The following DYNC1I1 variants were observed in gnomAD, a reference collection of about 807,000 sequenced individuals.
The protein encoded by DYNC1I1 is dynein cytoplasmic 1 intermediate chain 1.
DYNC1I1 carries 43 observed loss-of-function variants against 86.6 expected under a neutral mutation model. That is an observed-to-expected ratio of 0.50 (90% CI 0.39 to 0.64). The LOEUF is 0.64. Ranked by LOEUF, DYNC1I1 falls within the 30% of genes least tolerant of loss-of-function variation. The pLI is 0.00. For missense variants in DYNC1I1, 604 were observed against 788.8 expected (o/e 0.77, Z 2.81); for synonymous variants, 262 against 283.7 (o/e 0.92, Z 0.77).
intron 1 of DYNC1I1, among the ~76,000 whole-genome samples, chr7:95,797,603 C>A (rs1304943461): frequency 6.6e-6 from 1 of 152,152 alleles, no homozygotes. Context: ...ATCGATTCAA[C>A]GTTTAGGATA....
At chr7:96,059,528 A>G (rs1789699975) in intron 14 of DYNC1I1, among the ~76,000 whole-genome samples, 1 of 152,152 alleles carries the variant, frequency 6.6e-6, no homozygotes, top group Non-Finnish European at 1.5e-5. Context: ...TTCAGAAAGT[A>G]AGAGAATTTG....
In DYNC1I1 at chr7:95,794,674, G is replaced by A. The variant is rs148574267; in HGVS notation, c.-9-10047G>A. The stretch of plus-strand genomic sequence containing the variant: ...CTCGAGAGCCTCTCCTGTTTAATGT[G>A]CTGCAATTGCCAATGCTCAAGTTAC... On this transcript the variant is annotated intron_variant, in intron 1 of 16. Coordinates refer to ENST00000447467, the MANE Select transcript of DYNC1I1 (RefSeq NM_001135556.2). Among the ~76,000 whole-genome samples the A allele has an allele frequency of 5.1e-3, 781 of 152,234 alleles. 7 individuals carry two copies. Among genetic ancestry groups the A allele is most frequent in the African/African-American group, 0.018 (743 of 41,538 alleles).
intron 6 of DYNC1I1, among the ~76,000 whole-genome samples, chr7:95,920,121 G>C (rs1426008873): frequency 6.6e-6 from 1 of 152,106 alleles, no homozygotes; most frequent in Non-Finnish European, 1.5e-5. Context: ...TCCTATAGTC[G>C]AGGAACTGGA....
chr7:96,075,388 A>G (rs767597300), intron 14 of DYNC1I1, among the ~76,000 whole-genome samples: 4 of 152,150 alleles, frequency 2.6e-5, no homozygotes, highest in Non-Finnish European at 5.9e-5. Context: ...GTTCAGGGGC[A>G]CTTCAATGAG....
Position 95,995,828 on chromosome 7 carries a change from CA to C in DYNC1I1, c.844-119del, listed in dbSNP as rs1354868098. 2.2e-6 allele frequency: 3 copies of C among 1,382,742 alleles called. No homozygotes were observed. The Admixed American group carries it at 7.6e-5, about 35-fold the overall frequency. The allele number at this position is 1,382,742 out of a possible 1,614,324, so 85.7% of individuals were successfully genotyped here. On this transcript the variant is annotated intron_variant, in intron 9 of 16. Coordinates refer to ENST00000447467, the MANE Select transcript of DYNC1I1 (RefSeq NM_001135556.2). The stretch of plus-strand genomic sequence containing the variant: ...AGCAGTAAGCTGATAGTAGGTATGC[CA>C]CAACATAACAGAAAGCACCATTTAC...
chr7:95,895,863 T>C (rs758678487), intron 6 of DYNC1I1, among the ~76,000 whole-genome samples: 4 of 152,178 alleles, frequency 2.6e-5, no homozygotes, highest in Non-Finnish European at 4.4e-5. Flanking sequence ...TAGTATCCTG[T>C]CTTATGCCAC....
At chr7:95,915,010 C>T (rs1001129542) in intron 6 of DYNC1I1, among the ~76,000 whole-genome samples, 4 of 152,006 alleles carry the variant, frequency 2.6e-5, no homozygotes, top group Non-Finnish European at 4.4e-5. Flanking sequence ...TACTCTGTGC[C>T]CCTCGAGATC....
At chr7:95,876,221 A>T (rs889431208) in intron 6 of DYNC1I1, among the ~76,000 whole-genome samples, 5 of 152,150 alleles carry the variant, frequency 3.3e-5, no homozygotes, top group Non-Finnish European at 7.3e-5. Context: ...GAAAATCCAG[A>T]TATATCTGAA....
intron 16 of DYNC1I1, among the ~76,000 whole-genome samples, chr7:96,104,579 A>T (rs1381408976): frequency 6.6e-6 from 1 of 152,116 alleles, no homozygotes; most frequent in Non-Finnish European, 1.5e-5. Context: ...TATTTTTTAA[A>T]CATATGGATA....
At chr7:96,088,661 C>T (rs1227263128) in intron 16 of DYNC1I1, among the ~76,000 whole-genome samples, 1 of 152,128 alleles carries the variant, frequency 6.6e-6, no homozygotes, top group Admixed American at 6.5e-5. Flanking sequence ...TAACCCGGGC[C>T]TGTACAGAAT....
intron 7 of DYNC1I1, among the ~76,000 whole-genome samples, chr7:95,984,394 A>C (rs564645683): frequency 1.3e-5 from 2 of 152,326 alleles, no homozygotes; most frequent in Non-Finnish European, 2.9e-5. Flanking sequence ...CATATTATAG[A>C]GTGTTCCTAA....
At chr7:96,086,053 A>C (rs536881078) in intron 16 of DYNC1I1, among the ~76,000 whole-genome samples, 1 of 152,324 alleles carries the variant, frequency 6.6e-6, no homozygotes, top group East Asian at 1.9e-4. Flanking sequence ...CTTCAACAGC[A>C]CATAGGCCAG....
chr7:95,973,546 G>C (rs527545664), intron 6 of DYNC1I1, among the ~76,000 whole-genome samples: 1 of 151,792 alleles, frequency 6.6e-6, no homozygotes, highest in East Asian at 1.9e-4. Context: ...TTTTTAGACC[G>C]ATCAAAAACA....
chr7:95,973,290 A>G (rs1793220633), intron 6 of DYNC1I1, among the ~76,000 whole-genome samples: 1 of 152,228 alleles, frequency 6.6e-6, no homozygotes, highest in South Asian at 2.1e-4. Flanking sequence ...ACATATCAGT[A>G]TGCAGAGAAA....
chr7:95,783,530 A>G (rs1794050921), intron 1 of DYNC1I1, among the ~76,000 whole-genome samples: 2 of 152,244 alleles, frequency 1.3e-5, no homozygotes, highest in Non-Finnish European at 2.9e-5. Context: ...TGATTATCAC[A>G]TATGTTAAAA....
intron 3 of DYNC1I1, among the ~76,000 whole-genome samples, chr7:95,812,305 T>C (rs998490860): frequency 4.6e-5 from 7 of 152,184 alleles, no homozygotes; most frequent in Non-Finnish European, 1.0e-4. Context: ...ATATGTGATA[T>C]TGAGAACCCG....
chr7:96,070,372 C>T lies in DYNC1I1; in HGVS notation c.1510-5685C>T, dbSNP rs139228552. ...GGGTCCTTTGGTGGTTTTTTAAAAG[C>T]GATATTGTGGTCTCACATTTTAATG... is the stretch of plus-strand genomic sequence containing the variant. On this transcript the variant is annotated intron_variant, in intron 14 of 16. Transcript: ENST00000447467. 4.4e-3 allele frequency among the ~76,000 whole-genome samples: 666 copies of T among 152,090 alleles called. 7 individuals are homozygous for T. The highest frequency in any genetic ancestry group is 0.015 in the African/African-American group (621 of 41,502).
At chr7:96,017,734 A>G (rs924788123) in intron 10 of DYNC1I1, among the ~76,000 whole-genome samples, 3 of 152,210 alleles carry the variant, frequency 2.0e-5, no homozygotes, top group African/African-American at 7.2e-5. Flanking sequence ...ATAATAATAA[A>G]TAATAATTCA....
At chr7:96,011,076 C>G (rs2115847831) in intron 10 of DYNC1I1, among the ~76,000 whole-genome samples, 1 of 152,224 alleles carries the variant, frequency 6.6e-6, no homozygotes, top group African/African-American at 2.4e-5. Context: ...TTTTGCCTTT[C>G]TACCAATTTC....
Sources: gnomAD v4.1 joint callset for allele counts (sites outside exome capture counted in the v4.1 genomes callset) on GRCh38, gnomAD v4.1.1 for gene constraint, MANE v1.5 for transcripts, NCBI Gene and HGNC (gene_info 2026-07-23, HGNC 2026-07-21) for gene names.